The following F2RL3 variants were observed in gnomAD, a reference collection of about 807,000 sequenced individuals.
F2RL3 encodes proteinase-activated receptor 4.
F2RL3 carries 3 observed loss-of-function variants against 4.9 expected under a neutral mutation model. That is an observed-to-expected ratio of 0.61 (90% CI 0.28 to 1.58). The LOEUF (loss-of-function observed/expected upper bound fraction) is 1.58. F2RL3 is among the 40% of genes most tolerant of loss of function. F2RL3 has a pLI of 0.11. For missense variants in F2RL3, 564 were observed against 550.4 expected, an observed-to-expected ratio of 1.02 and a Z score of -0.25; for synonymous variants, 284 against 278.4, an observed-to-expected ratio of 1.02 and a Z score of -0.20.
Position 16,889,731 on chromosome 19 carries a change from G to A in F2RL3, c.268G>A (p.Val90Met). Reference protein sequence around the residue: ...VPALYGLVLVVGLPANGLALW... With the variant: ...VPALYGLVLVMGLPANGLALW... ...CGCCCTCTATGGGCTGGTCCTGGTG[G>A]TGGGGCTGCCGGCCAATGGGCTGGC... The change falls in exon 2 of 2, where the codon GTG becomes ATG. Residue 90 changes from valine (V) to methionine (M), a missense_variant. Coordinates refer to ENST00000248076, the MANE Select transcript of F2RL3 (RefSeq NM_003950.4). The A allele has an allele frequency of 1.2e-6, 2 of 1,604,170 alleles. No homozygotes were observed. The highest frequency in any genetic ancestry group is 1.7e-6 in the Non-Finnish European group (2 of 1,179,274).
rs772570199 is a variant in F2RL3, at chr19:16,889,267, C to T, written c.78C>T (p.Tyr26=). Residue 26 remains tyrosine (Y), a synonymous_variant, in exon 1 of 2, where the codon TAC becomes TAT. Transcript: ENST00000248076. ...GCGGCACCCAGACCCCCAGCGTCTA[C>T]GACGAGAGCGGGAGCACCGGAGGTG... ...LSGGTQTPSV[Y]DESGSTGGGD... 2.6e-5 allele frequency: 42 copies of T among 1,596,212 alleles called. No individual in the cohort carries two copies. Among genetic ancestry groups the T allele is most frequent in the East Asian group, 9.1e-5 (4 of 44,092 alleles).
Position 16,890,047 on chromosome 19 carries a change from G to T in F2RL3, c.584G>T (p.Gly195Val). 1 of 1,598,958 alleles carries T rather than the reference G, an allele frequency of 6.3e-7. No individual in the cohort carries two copies. The highest frequency in any genetic ancestry group is 8.5e-7 in the Non-Finnish European group (1 of 1,178,892). ...CTGCGTGGCCGGCGCCTGGCCCTTG[G>T]ACTCTGCATGGCTGCTTGGCTCATG... ...RALRGRRLALGLCMAAWLMAA... is the reference protein window; with the variant it reads ...RALRGRRLALVLCMAAWLMAA... Residue 195 changes from glycine (G) to valine (V), a missense_variant, in exon 2 of 2, where the codon GGA becomes GTA. Gly to Val is a moderately radical substitution (Grantham distance 109). Coordinates refer to ENST00000248076, the MANE Select transcript of F2RL3 (RefSeq NM_003950.4).
rs2051782462 is a variant in F2RL3, at chr19:16,890,846, T to C, written c.*225T>C. 5.3e-6 allele frequency: 3 copies of C among 561,098 alleles called. No homozygotes were observed. In the Admixed American group the frequency reaches 1.0e-4, roughly 19 times the overall value. 34.8% of individuals were successfully genotyped at this position (561,098 alleles called of 1,614,324 possible). On this transcript the variant is annotated 3_prime_UTR_variant, in exon 2 of 2. Transcript: ENST00000248076. ...GCTCACGCCTGTAATCCCAGCACTT[T>C]AAGAGGCCAAGGCGGATGGATCACT...
In F2RL3 at chr19:16,890,265, C is replaced by T; in HGVS notation, c.802C>T (p.Leu268=). The T allele has an allele frequency of 6.4e-7, 1 of 1,561,558 alleles. No individual in the cohort carries two copies. Among genetic ancestry groups the T allele is most frequent in the Non-Finnish European group, 8.6e-7 (1 of 1,159,688 alleles). The change falls in exon 2 of 2, where the codon CTG becomes TTG. Residue 268 remains leucine (L), a synonymous_variant. Transcript: ENST00000248076. The part of the protein sequence containing the change: ...LAMLLCYGAT[L]HTLAASGRRY... ...CATGCTGCTGTGCTACGGGGCCACC[C>T]TGCACACGCTGGCGGCCAGCGGCCG... is the stretch of plus-strand genomic sequence containing the variant.
At chr19:16,889,338 A>C in intron 1 of F2RL3, 40 bp downstream of exon 1, 1 of 1,507,812 alleles carries the variant, frequency 6.6e-7, no homozygotes, top group African/African-American at 1.4e-5. Context: ...ATGGGGTTAC[A>C]TCAGAGATGG....
Position 16,889,695 on chromosome 19 carries a change from AG to A in F2RL3, c.234del (p.Arg78SerfsTer38), listed in dbSNP as rs754014193. On this transcript the variant is annotated frameshift_variant, in exon 2 of 2. Transcript: ENST00000248076. LOFTEE classifies it low-confidence loss of function (END_TRUNC). ...RALLLGWVPT[R>X]LVPALYGLVL... ...ACTGCTTCTGGGCTGGGTGCCCACC[AG>A]GCTGGTGCCCGCCCTCTATGGGCTG... The A allele has an allele frequency of 6.2e-7, 1 of 1,608,764 alleles. No homozygotes were observed. The highest frequency in any genetic ancestry group is 1.7e-5 in the Admixed American group (1 of 59,988).
chr19:16,889,428 A>G lies in F2RL3; in HGVS notation c.109+130A>G. ...CAGCCCACTCTGTATCCCGTCTCTG[A>G]CCCCATAGGGCTGGGCTATTCCCTT... On this transcript the variant is annotated intron_variant, in intron 1 of 1. Transcript: ENST00000248076. The G allele has an allele frequency of 2.6e-6, 3 of 1,160,886 alleles. No homozygotes were observed. In the South Asian group the frequency reaches 4.3e-5, roughly 16 times the overall value. The allele number at this position is 1,160,886 out of a possible 1,614,324, so 71.9% of individuals were successfully genotyped here.
chr19:16,889,140 G>T lies in F2RL3; in HGVS notation c.-50G>T. 1.5e-6 allele frequency: 2 copies of T among 1,333,166 alleles called. No individual in the cohort carries two copies. The highest frequency in any genetic ancestry group is 1.5e-5 in the South Asian group (1 of 64,632). The allele number at this position is 1,333,166 out of a possible 1,614,324, so 82.6% of individuals were successfully genotyped here. ...CTCCAGAAGCTGGGGCTCAGGGTCC[G>T]GCGAGGCAGGAAGCCTGAGGCCACA... On this transcript the variant is annotated 5_prime_UTR_variant, in exon 1 of 2. Coordinates refer to ENST00000248076, the MANE Select transcript of F2RL3 (RefSeq NM_003950.4).
rs749058038 is a variant in F2RL3, at chr19:16,889,858, G to A, written c.395G>A (p.Arg132Gln). ...DLLLALALPP[R>Q]IAYHLRGQRW... ...CTGCTGGCCCTGGCGCTGCCCCCGC[G>A]GATCGCCTACCACCTGCGTGGCCAG... The change falls in exon 2 of 2, where the codon CGG becomes CAG. Residue 132 changes from arginine to glutamine, a missense_variant. Coordinates refer to ENST00000248076, the MANE Select transcript of F2RL3 (RefSeq NM_003950.4). 1.2e-5 allele frequency: 19 copies of A among 1,594,386 alleles called. No individual in the cohort carries two copies. The highest frequency in any genetic ancestry group is 2.2e-5 in the South Asian group (2 of 90,166).
At chr19:16,889,333 G>A in intron 1 of F2RL3, 35 bp downstream of exon 1, 3 of 1,524,922 alleles carry the variant, frequency 2.0e-6, no homozygotes, top group Non-Finnish European at 2.7e-6. Flanking sequence ...CAGAGATGGG[G>A]TTACATCAGA....
Position 16,889,896 on chromosome 19 carries a change from G to C in F2RL3, c.433G>C (p.Gly145Arg). ...CCTGCGTGGCCAGCGCTGGCCCTTC[G>C]GGGAGGCCGCCTGCCGCCTGGCCAC... ...YHLRGQRWPF[G>R]EAACRLATAA... is the part of the protein sequence containing the mutation. Residue 145 changes from glycine (G) to arginine (R), a missense_variant, in exon 2 of 2, where the codon GGG (glycine) becomes CGG (arginine). Physicochemically the swap from Gly to Arg is moderately radical, Grantham distance 125. Coordinates refer to ENST00000248076, the MANE Select transcript of F2RL3 (RefSeq NM_003950.4). 2 of 1,582,746 alleles carry C rather than the reference G, an allele frequency of 1.3e-6. No individual in the cohort carries two copies. Among genetic ancestry groups the C allele is most frequent in the Non-Finnish European group, 1.7e-6 (2 of 1,170,100 alleles).
Position 16,890,542 on chromosome 19 carries a change from CG to C in F2RL3, c.1084del (p.Asp362ThrfsTer83). ...KVRAGLFQRS[P>X]GDTVASKASA... ...CGGGCAGGGCTCTTCCAACGGTCGCCGGGGGACACCGTGGCCTCCAAGGCCT... is the reference window on the plus strand; with the variant it reads ...CGGGCAGGGCTCTTCCAACGGTCGCCGGGGACACCGTGGCCTCCAAGGCCT... On this transcript the variant is annotated frameshift_variant, in exon 2 of 2. Transcript: ENST00000248076. LOFTEE classifies it low-confidence loss of function (END_TRUNC). 6 of 1,609,470 alleles carry C rather than the reference CG, an allele frequency of 3.7e-6. No homozygotes were observed. The highest frequency in any genetic ancestry group is 4.2e-6 in the Non-Finnish European group (5 of 1,178,748).
Position 16,890,386 on chromosome 19 carries a change from C to T in F2RL3, c.923C>T (p.Ser308Leu), listed in dbSNP as rs1037715287. Residue 308 changes from serine to leucine, a missense_variant, in exon 2 of 2, where the codon TCG (serine) becomes TTG (leucine). Transcript: ENST00000248076. ...AACCTGCTGCTGCTGCTGCATTACT[C>T]GGACCCGAGCCCCAGCGCCTGGGGC... ...PSNLLLLLHY[S>L]DPSPSAWGNL... 5 of 1,608,720 alleles carry T rather than the reference C, an allele frequency of 3.1e-6. No individual in the cohort carries two copies. The highest frequency in any genetic ancestry group is 4.5e-5 in the East Asian group (2 of 44,762).
At position 16,889,261 on chromosome 19, in the gene F2RL3, C is replaced by A; in HGVS notation, c.72C>A (p.Ser24Arg). Residue 24 changes from serine to arginine, a missense_variant, in exon 1 of 2, where the codon AGC (serine) becomes AGA (arginine). By Grantham distance (110) the Ser-to-Arg change is moderately radical. Coordinates refer to ENST00000248076, the MANE Select transcript of F2RL3 (RefSeq NM_003950.4). ...TGTCTGGCGGCACCCAGACCCCCAG[C>A]GTCTACGACGAGAGCGGGAGCACCG... is the stretch of plus-strand genomic sequence containing the variant. The part of the protein sequence containing the change: ...FSLSGGTQTP[S>R]VYDESGSTGG... 6.3e-7 allele frequency: 1 copy of A among 1,596,090 alleles called. No individual in the cohort carries two copies. Among genetic ancestry groups the A allele is most frequent in the South Asian group, 1.1e-5 (1 of 87,872 alleles).
rs1488667560 is a variant in F2RL3, at chr19:16,890,405, C to T, written c.942C>T (p.Ala314=). Residue 314 remains alanine (A), a synonymous_variant, in exon 2 of 2, where the codon GCC becomes GCT. Coordinates refer to ENST00000248076, the MANE Select transcript of F2RL3 (RefSeq NM_003950.4). ...LLHYSDPSPS[A]WGNLYGAYVP... ...ATTACTCGGACCCGAGCCCCAGCGCCTGGGGCAACCTCTATGGTGCCTACG... is the reference window on the plus strand; with the variant it reads ...ATTACTCGGACCCGAGCCCCAGCGCTTGGGGCAACCTCTATGGTGCCTACG... The T allele has an allele frequency of 6.2e-7, 1 of 1,611,404 alleles. No homozygotes were observed. The highest frequency in any genetic ancestry group is 1.3e-5 in the African/African-American group (1 of 74,914).
rs1358140437 is a variant in F2RL3 at position 16,890,499 on chromosome 19, G to A, written c.1036G>A (p.Glu346Lys). 8.1e-6 allele frequency: 13 copies of A among 1,612,788 alleles called. No individual in the cohort carries two copies. The highest frequency in any genetic ancestry group is 5.0e-5 in the Admixed American group (3 of 59,998). ...DPFIYYYVSA[E>K]FRDKVRAGLF... ...CTTCATCTACTACTACGTGTCGGCC[G>A]AGTTCAGGGACAAGGTGCGGGCAGG... is the stretch of plus-strand genomic sequence containing the variant. Residue 346 changes from glutamate to lysine, a missense_variant, in exon 2 of 2, where the codon GAG becomes AAG. Physicochemically the swap from Glu to Lys is moderately conservative, Grantham distance 56. Transcript: ENST00000248076.
chr19:16,892,344 C>G lies in F2RL3; in HGVS notation c.*1723C>G, dbSNP rs529843968. On this transcript the variant is annotated 3_prime_UTR_variant, in exon 2 of 2. Coordinates refer to ENST00000248076, the MANE Select transcript of F2RL3 (RefSeq NM_003950.4). ...GTCTCTTGAGCAACCAGAATAGCAC[C>G]CCCAACTCTGCTCCCCAAAACCCAT... 1 of 152,712 alleles carries G rather than the reference C, an allele frequency of 6.5e-6. No individual in the cohort carries two copies. Among genetic ancestry groups the G allele is most frequent in the Non-Finnish European group, 1.5e-5 (1 of 68,294 alleles). The allele number at this position is 152,712 out of a possible 1,614,324, so 9.5% of individuals were successfully genotyped here.
At position 16,890,239 on chromosome 19, in the gene F2RL3, C is replaced by T. The variant is rs754030734; in HGVS notation, c.776C>T (p.Ala259Val). 1 of 1,574,032 alleles carries T rather than the reference C, an allele frequency of 6.4e-7. No individual in the cohort carries two copies. The highest frequency in any genetic ancestry group is 8.6e-7 in the Non-Finnish European group (1 of 1,166,308). Residue 259 changes from alanine to valine, a missense_variant, in exon 2 of 2, where the codon GCC becomes GTC. Physicochemically the swap from Ala to Val is moderately conservative, Grantham distance 64. Coordinates refer to ENST00000248076, the MANE Select transcript of F2RL3 (RefSeq NM_003950.4). ...ALLGCFLPLL[A>V]MLLCYGATLH... ...TTGGGCTGTTTCCTGCCCCTGCTGG[C>T]CATGCTGCTGTGCTACGGGGCCACC...
Position 16,889,647 on chromosome 19 carries a change from G to C in F2RL3, c.184G>C (p.Glu62Gln). The C allele has an allele frequency of 6.2e-7, 1 of 1,609,670 alleles. No individual in the cohort carries two copies. The highest frequency in any genetic ancestry group is 1.3e-5 in the African/African-American group (1 of 75,000). ...CTGTGCCAATGACAGTGACACCCTG[G>C]AGCTCCCGGACAGCTCACGGGCACT... ...QVCANDSDTL[E>Q]LPDSSRALLL... is the part of the protein sequence containing the mutation. Residue 62 changes from glutamate to glutamine, a missense_variant, in exon 2 of 2, where the codon GAG becomes CAG. By Grantham distance (29) the Glu-to-Gln change is conservative. Coordinates refer to ENST00000248076, the MANE Select transcript of F2RL3 (RefSeq NM_003950.4).
Sources: allele counts gnomAD v4.1 joint callset, GRCh38; gene constraint gnomAD v4.1.1; transcripts MANE v1.5; gene names NCBI Gene and HGNC (gene_info 2026-07-23, HGNC 2026-07-21).